The following CDH18 variants were observed in gnomAD, a reference collection of about 807,000 sequenced individuals.
CDH18 encodes the protein cadherin 18.
In CDH18, 31 loss-of-function variants were observed where a neutral mutation model predicts 67.9. The ratio of observed to expected loss-of-function variants is 0.46; its 90% CI spans 0.34 to 0.62. The LOEUF is 0.62. Among genes scored for constraint, CDH18 ranks in the 20% least tolerant of loss-of-function variants. The probability of loss-of-function intolerance (pLI) is 0.01; values close to 1 mark genes in which losing one functional copy is unlikely to be tolerated. For synonymous variants in CDH18, 362 were observed against 347.2 expected (o/e 1.04, Z -0.48); for missense variants, 890 against 975.5 (o/e 0.91, Z 1.17).
chr5:19,836,103 T>C (rs1326827537), intron 3 of CDH18, among the ~76,000 whole-genome samples: 2 of 152,182 alleles, frequency 1.3e-5, no homozygotes, highest in African/African-American at 4.8e-5. Context: ...TTTGTTTCTG[T>C]TTCTTAGTTA....
chr5:20,232,177 T>A (rs1742131781), intron 2 of CDH18, among the ~76,000 whole-genome samples: 1 of 152,050 alleles, frequency 6.6e-6, no homozygotes, highest in Non-Finnish European at 1.5e-5. Flanking sequence ...ATTTATTTTT[T>A]TTTTTAAGAA....
At chr5:20,221,478 G>A (rs995834500) in intron 2 of CDH18, among the ~76,000 whole-genome samples, 2 of 152,066 alleles carry the variant, frequency 1.3e-5, no homozygotes, top group Non-Finnish European at 1.5e-5. Flanking sequence ...AGTGTAGCGC[G>A]GGGTTGGGGG....
At chr5:20,355,146 T>C (rs912996736) in intron 1 of CDH18, among the ~76,000 whole-genome samples, 3 of 152,178 alleles carry the variant, frequency 2.0e-5, no homozygotes, top group East Asian at 1.9e-4. Context: ...TCTTAACAAG[T>C]GATTCCCCCA....
intron 1 of CDH18, among the ~76,000 whole-genome samples, chr5:20,467,160 A>G (rs948347391): frequency 6.6e-6 from 1 of 152,142 alleles, no homozygotes; most frequent in Non-Finnish European, 1.5e-5. Flanking sequence ...AGTAGGTCCC[A>G]ACATTTTTAA....
intron 5 of CDH18, among the ~76,000 whole-genome samples, chr5:19,701,423 G>C (rs374727167): frequency 6.6e-5 from 10 of 152,114 alleles, no homozygotes; most frequent in Non-Finnish European, 8.8e-5. Flanking sequence ...GGCCCAAAGA[G>C]TGAGGGAGAT....
chr5:20,008,317 C>A (rs1003293321), intron 2 of CDH18, among the ~76,000 whole-genome samples: 1 of 152,064 alleles, frequency 6.6e-6, no homozygotes, highest in Non-Finnish European at 1.5e-5. Flanking sequence ...TGGGGCTGCA[C>A]TGAATTTCTG....
intron 1 of CDH18, among the ~76,000 whole-genome samples, chr5:20,527,119 A>C (rs62352723): frequency 0.021 from 3,235 of 152,236 alleles, 69 homozygotes; most frequent in African/African-American, 0.044. Context: ...ATGAAAACAC[A>C]AGTATCAATA....
intron 2 of CDH18, among the ~76,000 whole-genome samples, chr5:19,864,292 G>A (rs574412694): frequency 1.4e-4 from 21 of 148,086 alleles, no homozygotes; most frequent in Admixed American, 1.2e-3. Flanking sequence ...AAAACCAAAC[G>A]CCACATGTTC....
chr5:19,745,502 G>A (rs538855109), intron 4 of CDH18, among the ~76,000 whole-genome samples: 49 of 152,270 alleles, frequency 3.2e-4, no homozygotes, highest in Admixed American at 1.4e-3. Context: ...CATAGAGCTC[G>A]TTGCCTTCCT....
At chr5:20,517,781 T>C (rs764304083) in intron 1 of CDH18, among the ~76,000 whole-genome samples, 2 of 152,110 alleles carry the variant, frequency 1.3e-5, no homozygotes, top group African/African-American at 4.8e-5. Flanking sequence ...TAAGTTTGCA[T>C]GTTACAGTAA....
At chr5:20,172,535 AC>A (rs1288632954) in intron 2 of CDH18, among the ~76,000 whole-genome samples, 1 of 151,916 alleles carries the variant, frequency 6.6e-6, no homozygotes, top group Non-Finnish European at 1.5e-5. Flanking sequence ...TTATGAGGCC[AC>A]AGTGGTTTTC....
At chr5:19,669,685 T>C (rs1758474846) in intron 5 of CDH18, among the ~76,000 whole-genome samples, 1 of 152,174 alleles carries the variant, frequency 6.6e-6, no homozygotes, top group Non-Finnish European at 1.5e-5. Context: ...TCTATCTTTA[T>C]ATCTGTTTAT....
intron 1 of CDH18, among the ~76,000 whole-genome samples, chr5:20,336,419 G>C (rs1739742898): frequency 1.3e-5 from 2 of 151,978 alleles, no homozygotes; most frequent in Admixed American, 1.3e-4. Context: ...AGGAAGAAAT[G>C]GGGTTAAGAA....
chr5:20,394,736 G>T (rs1745142801), intron 1 of CDH18, among the ~76,000 whole-genome samples: 2 of 151,902 alleles, frequency 1.3e-5, no homozygotes, highest in African/African-American at 2.4e-5. Flanking sequence ...ATATCAGCAA[G>T]AAATAAACAA....
chr5:20,228,035 C>A (rs969797045), intron 2 of CDH18, among the ~76,000 whole-genome samples: 20 of 152,134 alleles, frequency 1.3e-4, no homozygotes, highest in African/African-American at 4.8e-4. Flanking sequence ...TGTTCATCAT[C>A]TACATGTGTT....
intron 2 of CDH18, among the ~76,000 whole-genome samples, chr5:20,015,044 G>GA (rs1386830501): frequency 6.6e-6 from 1 of 152,064 alleles, no homozygotes; most frequent in Non-Finnish European, 1.5e-5. Flanking sequence ...ATAGTTAACA[G>GA]AAAAAAGCAC....
intron 1 of CDH18, among the ~76,000 whole-genome samples, chr5:20,483,349 C>T (rs1752947797): frequency 6.6e-6 from 1 of 151,776 alleles, no homozygotes; most frequent in Non-Finnish European, 1.5e-5. Context: ...CTATGCAAAG[C>T]AATAAACAGA....
intron 2 of CDH18, among the ~76,000 whole-genome samples, chr5:19,901,328 T>C (rs1789917963): frequency 6.6e-6 from 1 of 152,092 alleles, no homozygotes; most frequent in Non-Finnish European, 1.5e-5. Flanking sequence ...CAGAAGAAAA[T>C]ATATAATTCA....
At chr5:19,866,114 C>T (rs551923699) in intron 2 of CDH18, among the ~76,000 whole-genome samples, 1 of 152,248 alleles carries the variant, frequency 6.6e-6, no homozygotes, top group Admixed American at 6.5e-5. Flanking sequence ...TAGAGGTCAC[C>T]AATATTGCTT....
Sources: allele counts gnomAD v4.1 joint callset (sites outside exome capture counted in the v4.1 genomes callset), GRCh38; gene constraint gnomAD v4.1.1; transcripts MANE v1.5; gene names NCBI Gene and HGNC (gene_info 2026-07-23, HGNC 2026-07-21).